Variants in HLA-DPA1 observed in about 807,000 individuals in gnomAD.
HLA-DPA1 encodes the protein major histocompatibility complex, class II, DP alpha 1.
HLA-DPA1 carries 20 observed loss-of-function variants against 21.5 expected under a neutral mutation model. That is an observed-to-expected ratio of 0.93 (90% CI 0.66 to 1.35). The LOEUF is 1.35. Ranked by LOEUF, HLA-DPA1 falls within the 40% of genes most tolerant of loss-of-function variation. The pLI is 0.00. For synonymous variants in HLA-DPA1, 123 were observed against 129.6 expected, an observed-to-expected ratio of 0.95 and a Z score of 0.35; for missense variants, 279 against 323.0, an observed-to-expected ratio of 0.86 and a Z score of 1.05.
Position 33,075,142 on chromosome 6 carries a change from A to ATT in HLA-DPA1, c.-99-1475_-99-1474dup, listed in dbSNP as rs199715650. 3.6e-3 allele frequency among the ~76,000 whole-genome samples: 542 copies of ATT among 152,014 alleles called. 3 individuals are homozygous for ATT. The highest frequency in any genetic ancestry group is 0.026 in the East Asian group (133 of 5,178). On this transcript the variant is annotated intron_variant, in intron 1 of 5. Transcript: ENST00000419277. ...TTTGAAGGAGGTGGGGTCTTTGATG[A>ATT]TTTTTTTTCACTTTCTTCCTTATTT... is the stretch of plus-strand genomic sequence containing the variant.
chr6:33,068,704 G>T (rs1346714118), exon 5 of HLA-DPA1: 1 of 1,612,908 alleles, frequency 6.2e-7, no homozygotes, highest in Non-Finnish European at 8.5e-7. Context: ...ACTTTATGAT[G>T]AGGACGGTGC....
Position 33,068,758 on chromosome 6 carries a change from G to C in HLA-DPA1, c.675C>G (p.Leu225=), listed in dbSNP as rs199532186. The C allele has an allele frequency of 2.7e-5, 43 of 1,612,906 alleles. No individual in the cohort carries two copies. In the East Asian group the frequency reaches 9.1e-4, roughly 34 times the overall value. The change falls in exon 5 of 6, where the codon CTC becomes CTG. Residue 225 remains leucine, a synonymous_variant. Transcript: ENST00000419277. ...GGCCCAGCACCAGGCCCAGGGCACAGAGCACAGTCTCCGTTGTCTCAGGCA... is the reference window on the plus strand; with the variant it reads ...GGCCCAGCACCAGGCCCAGGGCACACAGCACAGTCTCCGTTGTCTCAGGCA...
At chr6:33,077,994 G>T (rs1179687508) in intron 1 of HLA-DPA1, among the ~76,000 whole-genome samples, 1 of 152,138 alleles carries the variant, frequency 6.6e-6, no homozygotes, top group Non-Finnish European at 1.5e-5. Context: ...GGTGAGGCTG[G>T]GGAGAGAGGA....
At chr6:33,065,311 C>G (rs1761905557) in exon 6 of HLA-DPA1, 1 of 152,256 alleles carries the variant, frequency 6.6e-6, no homozygotes, top group Non-Finnish European at 1.5e-5. Flanking sequence ...GAGTTCAGAT[C>G]TCTCCTAAGT....
At position 33,075,972 on chromosome 6, in the gene HLA-DPA1, G is replaced by C. The variant is rs914738094; in HGVS notation, c.-99-2303C>G. ...TCATGGTCTCTAATATTTCAAACAG[G>C]AGCTCCCTTTAGCGAGTCCTTCTTT... On this transcript the variant is annotated intron_variant, in intron 1 of 5. Transcript: ENST00000419277. The C allele has an allele frequency of 5.3e-6, 6 of 1,140,574 alleles. No homozygotes were observed. In the African/African-American group the frequency reaches 9.2e-5, roughly 18 times the overall value. 70.7% of individuals were successfully genotyped at this position (1,140,574 alleles called of 1,614,324 possible).
At position 33,065,977 on chromosome 6, in the gene HLA-DPA1, A is replaced by G. The variant is rs531663564; in HGVS notation, c.*13-630T>C. 2.6e-5 allele frequency: 4 copies of G among 152,230 alleles called. No individual in the cohort carries two copies. In the South Asian group the frequency reaches 8.3e-4, roughly 32 times the overall value. The allele number at this position is 152,230 out of a possible 1,614,324, so 9.4% of individuals were successfully genotyped here. A position where few individuals can be genotyped will look rare whatever the true frequency, so the allele number is the denominator to read the frequency against. ...TAATTTTGCCTTTTCAAGATATTTC[A>G]TTAAAATATGATTTATTACTGAGTT... On this transcript the variant is annotated intron_variant, in intron 5 of 5. Coordinates refer to ENST00000419277, the Ensembl canonical transcript of HLA-DPA1.
In HLA-DPA1 at chr6:33,080,698, G is replaced by C. The variant is rs749490757; in HGVS notation, c.-118C>G. ...GAATTACCTTTTCCAGGGACGGCAG[G>C]AATGCTACGCGTTTAATGGGACACA... On this transcript the variant is annotated 5_prime_UTR_variant, in exon 1 of 6. Transcript: ENST00000419277. This position sits in a 1 kb window ranked among gnomAD's most constrained non-coding sequence, Gnocchi z 4.3. 3.1e-6 allele frequency: 5 copies of C among 1,612,990 alleles called. No individual in the cohort carries two copies. In the South Asian group the frequency reaches 3.3e-5, roughly 11 times the overall value.
Position 33,073,562 on chromosome 6 carries a change from A to T in HLA-DPA1, c.9T>A (p.Pro3=), listed in dbSNP as rs117797834. ...CTCTGATATGGAACATTCTGTCTTC[A>T]GGGCGCATGTTGTGGGGTCTATAAT... Residue 3 remains proline (P), a synonymous_variant, in exon 2 of 6, where the codon CCT becomes CCA. Transcript: ENST00000419277. The T allele has an allele frequency of 1.3e-3, 2,121 of 1,612,324 alleles. 37 individuals are homozygous for T. In the East Asian group the frequency reaches 0.014, roughly 11 times the overall value.
intron 1 of HLA-DPA1, chr6:33,075,957 T>C (rs1762512524): frequency 2.0e-6 from 2 of 1,017,056 alleles, no homozygotes; most frequent in Non-Finnish European, 3.0e-6. Flanking sequence ...TCATGGTCTC[T>C]AATATTTCAA....
chr6:33,068,656 G>T (rs756588838), exon 5 of HLA-DPA1: 1 of 1,611,882 alleles, frequency 6.2e-7, no homozygotes, highest in Non-Finnish European at 8.5e-7. Flanking sequence ...TATTTCACAG[G>T]GTCCCCTGGG....
At chr6:33,073,355 A>G in intron 2 of HLA-DPA1, 116 bp downstream of exon 1, 2 of 704,064 alleles carry the variant, frequency 2.8e-6, no homozygotes, top group Non-Finnish European at 5.1e-6. Flanking sequence ...GGGAACATAG[A>G]CTATGAGGAC....
intron 5 of HLA-DPA1, chr6:33,067,537 T>G (rs1379651067): frequency 1.3e-5 from 2 of 151,864 alleles, no homozygotes; most frequent in African/African-American, 4.9e-5. Context: ...GTGAGCCATT[T>G]AAAGCTCTTT....
intron 1 of HLA-DPA1, chr6:33,079,824 C>T: frequency 2.2e-6 from 1 of 445,912 alleles, no homozygotes; most frequent in South Asian, 1.7e-5. Context: ...GAGTCACCAA[C>T]CCCAGTACCA....
In HLA-DPA1 at chr6:33,080,115, C is replaced by T. The variant is rs2567280; in HGVS notation, c.-100+565G>A. ...AGTTTTAAGAAATATATTTCTACATCTCCTACATGCAAAACAACAGGAGCA... is the reference window on the plus strand; with the variant it reads ...AGTTTTAAGAAATATATTTCTACATTTCCTACATGCAAAACAACAGGAGCA... On this transcript the variant is annotated intron_variant, in intron 1 of 5. Coordinates refer to ENST00000419277, the Ensembl canonical transcript of HLA-DPA1. The surrounding 1 kb of genome is among the most constrained non-coding windows in gnomAD (Gnocchi z 4.3). Among the ~76,000 whole-genome samples the T allele has an allele frequency of 0.024, 3,605 of 152,234 alleles. 86 individuals carry two copies. Among genetic ancestry groups the T allele is most frequent in the African/African-American group, 0.066 (2,742 of 41,514 alleles).
At chr6:33,079,816 G>T (rs1455442845) in intron 1 of HLA-DPA1, 1 of 454,476 alleles carries the variant, frequency 2.2e-6, no homozygotes, top group Non-Finnish European at 4.3e-6. Context: ...GGCCATCAGA[G>T]TCACCAACCC....
exon 6 of HLA-DPA1, chr6:33,064,918 A>G (rs904414100): frequency 2.0e-5 from 3 of 152,230 alleles, no homozygotes; most frequent in African/African-American, 7.2e-5. Context: ...TAGTAACCAC[A>G]TCGGCAACAG....
At chr6:33,073,555 T>C (rs768800135) in exon 2 of HLA-DPA1, 4 of 1,612,474 alleles carry the variant, frequency 2.5e-6, no homozygotes, top group Non-Finnish European at 3.4e-6. Context: ...TGGAACATTC[T>C]GTCTTCAGGG....
intron 4 of HLA-DPA1, 61 bp downstream of exon 3, chr6:33,068,958 G>T: frequency 6.4e-7 from 1 of 1,570,706 alleles, no homozygotes; most frequent in South Asian, 1.1e-5. Flanking sequence ...TGGTGCAGAG[G>T]ACACCAGGTC....
Position 33,080,354 on chromosome 6 carries a change from C to A in HLA-DPA1, c.-100+326G>T, listed in dbSNP as rs2567282. On this transcript the variant is annotated intron_variant, in intron 1 of 5. Coordinates refer to ENST00000419277, the Ensembl canonical transcript of HLA-DPA1. The surrounding 1 kb of genome is among the most constrained non-coding windows in gnomAD (Gnocchi z 4.3). ...CCTGTTTTTTCTCCCAGTGACCCCACGTGAAACGTCTCCGCCTCCTCCAGC... is the reference window on the plus strand; with the variant it reads ...CCTGTTTTTTCTCCCAGTGACCCCAAGTGAAACGTCTCCGCCTCCTCCAGC... 6,998 of 554,684 alleles carry A rather than the reference C, an allele frequency of 0.013. 132 individuals carry two copies. Among genetic ancestry groups the A allele is most frequent in the African/African-American group, 0.064 (3,401 of 52,786 alleles). The allele number at this position is 554,684 out of a possible 1,614,324, so 34.4% of individuals were successfully genotyped here. A position where few individuals can be genotyped will look rare whatever the true frequency, so the allele number is the denominator to read the frequency against.
Sources: allele counts gnomAD v4.1 joint callset (sites outside exome capture counted in the v4.1 genomes callset), GRCh38; gene constraint gnomAD v4.1.1; non-coding constraint Gnocchi (gnomAD v3.1); transcripts MANE v1.5; gene names NCBI Gene and HGNC (gene_info 2026-07-23, HGNC 2026-07-21).